The following MINDY2 variants were observed in gnomAD, a reference collection of about 807,000 sequenced individuals.
MINDY2 encodes MINDY lysine 48 deubiquitinase 2, also known as ubiquitin carboxyl-terminal hydrolase MINDY-2.
MINDY2 carries 52 observed loss-of-function variants against 68.2 expected under a neutral mutation model. The ratio of observed to expected loss-of-function variants is 0.76; its 90% CI spans 0.61 to 0.96. The LOEUF (loss-of-function observed/expected upper bound fraction) is 0.96. Among genes scored for constraint, MINDY2 ranks in the 40% least tolerant of loss-of-function variants. The probability of loss-of-function intolerance (pLI) is 0.00; values close to 1 mark genes in which losing one functional copy is unlikely to be tolerated. For missense variants in MINDY2, 881 were observed against 773.4 expected (o/e 1.14, Z -1.65); for synonymous variants, 372 against 303.0 (o/e 1.23, Z -2.36).
chr15:58,793,416 A>G (rs1415227894), intron 2 of MINDY2, among the ~76,000 whole-genome samples: 5 of 152,192 alleles, frequency 3.3e-5, no homozygotes, highest in Non-Finnish European at 1.5e-5. Flanking sequence ...ACACCACTGC[A>G]CTCCAGCCTG....
At position 58,816,878 on chromosome 15, in the gene MINDY2, A is replaced by G. The variant is rs553923285; in HGVS notation, c.1123-4839A>G. On this transcript the variant is annotated intron_variant, in intron 4 of 8. Transcript: ENST00000559228. ...TGAGGTAGGAGAATCACTTAAGGCCAGGAGTTTGAGGCTGCAGTGCACTAT... is the reference window on the plus strand; with the variant it reads ...TGAGGTAGGAGAATCACTTAAGGCCGGGAGTTTGAGGCTGCAGTGCACTAT... Among the ~76,000 whole-genome samples the G allele has an allele frequency of 1.2e-3, 176 of 152,290 alleles. 1 individual carries two copies. The highest frequency in any genetic ancestry group is 4.1e-3 in the African/African-American group (170 of 41,566).
intron 1 of MINDY2, among the ~76,000 whole-genome samples, chr15:58,784,085 C>G (rs535536549): frequency 2.0e-5 from 3 of 151,814 alleles, no homozygotes; most frequent in Non-Finnish European, 4.4e-5. Flanking sequence ...CAGCAATTTG[C>G]GAGGCTGAGG....
chr15:58,794,452 A>G (rs77748075), intron 2 of MINDY2, among the ~76,000 whole-genome samples: 2,450 of 151,454 alleles, frequency 0.016, 71 homozygotes, highest in Admixed American at 0.089. Flanking sequence ...CAGGCAGGGT[A>G]TTGGAAGAGA....
intron 6 of MINDY2, 23 bp downstream of exon 6, chr15:58,831,939 T>A: frequency 6.3e-7 from 1 of 1,593,344 alleles, no homozygotes. Context: ...AATAGCTATT[T>A]AATCGTGATT....
intron 4 of MINDY2, among the ~76,000 whole-genome samples, chr15:58,820,114 AAATTAGT>A (rs1351322076): frequency 6.6e-6 from 1 of 152,112 alleles, no homozygotes; most frequent in Non-Finnish European, 1.5e-5. Context: ...AAAAATACAA[AAATTAGT>A]TGGGCATGGT....
chr15:58,812,899 T>C (rs2030395299), intron 4 of MINDY2, among the ~76,000 whole-genome samples: 1 of 152,132 alleles, frequency 6.6e-6, no homozygotes, highest in Non-Finnish European at 1.5e-5. Flanking sequence ...AATCAAGATA[T>C]GGCACATTTC....
At chr15:58,835,238 G>A (rs2141028310) in intron 6 of MINDY2, among the ~76,000 whole-genome samples, 1 of 152,266 alleles carries the variant, frequency 6.6e-6, no homozygotes, top group South Asian at 2.1e-4. Flanking sequence ...GATACAGTTT[G>A]TTAAGGATAC....
chr15:58,800,417 C>A (rs989966739), intron 2 of MINDY2, among the ~76,000 whole-genome samples: 2 of 152,080 alleles, frequency 1.3e-5, no homozygotes. Context: ...TCCCTGTGAT[C>A]TTTTATAGTC....
At position 58,818,651 on chromosome 15, in the gene MINDY2, ATT is replaced by A. The variant is rs202083877; in HGVS notation, c.1123-3049_1123-3048del. Among the ~76,000 whole-genome samples, 216 of 131,450 alleles carry A rather than the reference ATT, an allele frequency of 1.6e-3. 3 individuals are homozygous for A. In the East Asian group the frequency reaches 0.025, roughly 15 times the overall value. 86.2% of individuals were successfully genotyped at this position (131,450 alleles called of 152,430 possible). A position where few individuals can be genotyped will look rare whatever the true frequency, so the allele number is the denominator to read the frequency against. On this transcript the variant is annotated intron_variant, in intron 4 of 8. Transcript: ENST00000559228. ...AAATAGATTTGATTTTTGTATATTG[ATT>A]TTTTTTTTTTTTTTTTGAGACAGTG...
At chr15:58,799,026 A>T (rs1209467305) in intron 2 of MINDY2, among the ~76,000 whole-genome samples, 1 of 152,164 alleles carries the variant, frequency 6.6e-6, no homozygotes, top group African/African-American at 2.4e-5. Context: ...GTAGCTAAAG[A>T]GGTTTGGGAA....
intron 2 of MINDY2, among the ~76,000 whole-genome samples, chr15:58,799,578 CAAAA>C (rs34347740): frequency 2.6e-5 from 3 of 115,150 alleles, no homozygotes; most frequent in South Asian, 2.7e-4. Flanking sequence ...GACTCCATCT[CAAAA>C]AAAAAAAAAA....
chr15:58,861,774 C>A lies in MINDY2; in HGVS notation c.*7164C>A, dbSNP rs1482496655. The A allele has an allele frequency of 6.6e-6, 1 of 152,104 alleles. No homozygotes were observed. Among genetic ancestry groups the A allele is most frequent in the Non-Finnish European group, 1.5e-5 (1 of 68,020 alleles). The allele number at this position is 152,104 out of a possible 1,614,324, so 9.4% of individuals were successfully genotyped here. ...TGTTATTGTACCACAAAGATAGTGT[C>A]ATTGTTGGGTTAAAATGTTGGCTGT... On this transcript the variant is annotated 3_prime_UTR_variant, in exon 9 of 9. Transcript: ENST00000559228.
At chr15:58,804,544 A>T (rs1384976169) in intron 3 of MINDY2, among the ~76,000 whole-genome samples, 1 of 152,174 alleles carries the variant, frequency 6.6e-6, no homozygotes, top group Admixed American at 6.5e-5. Flanking sequence ...GTGGTGGCTC[A>T]TGCCTGTAAT....
intron 4 of MINDY2, among the ~76,000 whole-genome samples, chr15:58,819,030 G>A (rs2030887985): frequency 6.6e-6 from 1 of 152,122 alleles, no homozygotes; most frequent in Admixed American, 6.6e-5. Flanking sequence ...CCAGGCTGAT[G>A]TGTAGTAGCA....
chr15:58,819,305 G>C (rs1277627446), intron 4 of MINDY2, among the ~76,000 whole-genome samples: 1 of 152,052 alleles, frequency 6.6e-6, no homozygotes, highest in Non-Finnish European at 1.5e-5. Context: ...AAAATTAGCT[G>C]GGTGTGGTGG....
At chr15:58,828,309 T>C (rs2031525056) in intron 5 of MINDY2, among the ~76,000 whole-genome samples, 2 of 152,214 alleles carry the variant, frequency 1.3e-5, no homozygotes, top group Admixed American at 1.3e-4. Context: ...TCTTAAAAGT[T>C]AGATTGTTTA....
In MINDY2 at chr15:58,857,297, G is replaced by T. The variant is rs920070052; in HGVS notation, c.*2687G>T. 4 of 152,186 alleles carry T rather than the reference G, an allele frequency of 2.6e-5. No homozygotes were observed. The highest frequency in any genetic ancestry group is 6.5e-5 in the Admixed American group (1 of 15,276). 9.4% of individuals were successfully genotyped at this position (152,186 alleles called of 1,614,324 possible). On this transcript the variant is annotated 3_prime_UTR_variant, in exon 9 of 9. Transcript: ENST00000559228. The stretch of plus-strand genomic sequence containing the variant: ...GCCTGTAATCCCAGTACTTTGGGAG[G>T]CCGAGGCAGGTGGATCACCTGAGAT...
At chr15:58,839,638 T>G (rs2032181768) in intron 6 of MINDY2, among the ~76,000 whole-genome samples, 1 of 151,948 alleles carries the variant, frequency 6.6e-6, no homozygotes, top group African/African-American at 2.4e-5. Context: ...AGCCTAGGGT[T>G]AGGCTTTTTG....
intron 6 of MINDY2, among the ~76,000 whole-genome samples, chr15:58,837,539 CAAAA>C (rs59471550): frequency 3.3e-5 from 4 of 121,618 alleles, no homozygotes; most frequent in Non-Finnish European, 3.7e-5. Flanking sequence ...ATGATGGCAC[CAAAA>C]AAAAAAAAAA....
Sources: allele counts gnomAD v4.1 joint callset (sites outside exome capture counted in the v4.1 genomes callset), GRCh38; gene constraint gnomAD v4.1.1; transcripts MANE v1.5; gene names NCBI Gene and HGNC (gene_info 2026-07-23, HGNC 2026-07-21).